The following SHB variants were observed in gnomAD, a reference collection of about 807,000 sequenced individuals.
SHB encodes SH2 domain-containing adapter protein B.
In SHB, 20 loss-of-function variants were observed where a neutral mutation model predicts 52.3. That is an observed-to-expected ratio of 0.38 (90% CI 0.27 to 0.56). The LOEUF (loss-of-function observed/expected upper bound fraction) is 0.56, where lower values mean the gene tolerates loss of function less well. Among genes scored for constraint, SHB ranks in the 20% least tolerant of loss-of-function variants. The pLI is 0.71. For missense variants in SHB, 825 were observed against 723.3 expected, an observed-to-expected ratio of 1.14 and a Z score of -1.61; for synonymous variants, 397 against 316.5, an observed-to-expected ratio of 1.25 and a Z score of -2.70.
At position 38,016,170 on chromosome 9, in the gene SHB, GC is replaced by G. The variant is rs774699853; in HGVS notation, c.718-40del. ...GATGGCAGGTGTGAGTCCACCTTTG[GC>G]TTTTTTGTTTCACATCTCTTCACAG... is the stretch of plus-strand genomic sequence containing the variant. On this transcript the variant is annotated intron_variant, in intron 1 of 5. Transcript: ENST00000377707. 7 of 1,610,942 alleles carry G rather than the reference GC, an allele frequency of 4.3e-6. No individual in the cohort carries two copies. In the African/African-American group the frequency reaches 8.0e-5, roughly 18 times the overall value.
chr9:37,976,116 A>T (rs1820650637), intron 2 of SHB, among the ~76,000 whole-genome samples: 1 of 152,136 alleles, frequency 6.6e-6, no homozygotes, highest in South Asian at 2.1e-4. Flanking sequence ...GCTCACTGCA[A>T]ACTCTGGCTC....
chr9:37,924,540 A>G (rs1832222949), intron 5 of SHB, among the ~76,000 whole-genome samples: 1 of 152,196 alleles, frequency 6.6e-6, no homozygotes, highest in South Asian at 2.1e-4. Context: ...ACAGGACTCC[A>G]GACACAGAGG....
chr9:37,998,394 C>T (rs1163304419), intron 2 of SHB, among the ~76,000 whole-genome samples: 1 of 152,172 alleles, frequency 6.6e-6, no homozygotes, highest in Non-Finnish European at 1.5e-5. Context: ...GATACATGGT[C>T]TCTGCATCGC....
chr9:37,934,788 C>G (rs981899106), intron 5 of SHB, among the ~76,000 whole-genome samples: 4 of 152,210 alleles, frequency 2.6e-5, no homozygotes, highest in African/African-American at 9.7e-5. Context: ...AGAATTTTCT[C>G]AAAATTAAAT....
At chr9:38,005,752 A>C (rs893674968) in intron 2 of SHB, among the ~76,000 whole-genome samples, 2 of 152,172 alleles carry the variant, frequency 1.3e-5, no homozygotes, top group Admixed American at 1.3e-4. Context: ...TAATTAGTCA[A>C]ATAATAGGGT....
intron 5 of SHB, among the ~76,000 whole-genome samples, chr9:37,932,607 G>A (rs1832326133): frequency 6.7e-6 from 1 of 149,042 alleles, no homozygotes. Context: ...TGAGGGATAT[G>A]TTAATTTGTT....
At chr9:38,022,544 G>A (rs555810100) in intron 1 of SHB, among the ~76,000 whole-genome samples, 6 of 152,090 alleles carry the variant, frequency 3.9e-5, no homozygotes, top group Non-Finnish European at 8.8e-5. Flanking sequence ...AATAGCATTT[G>A]GGGACGTGAG....
chr9:38,000,254 C>G (rs1418640312), intron 2 of SHB, among the ~76,000 whole-genome samples: 1 of 152,218 alleles, frequency 6.6e-6, no homozygotes. Context: ...CAGGCCTAAG[C>G]TCTTTGCTAA....
intron 1 of SHB, among the ~76,000 whole-genome samples, chr9:38,038,718 C>G (rs144651123): frequency 6.6e-6 from 1 of 152,172 alleles, no homozygotes; most frequent in Non-Finnish European, 1.5e-5. Context: ...GCTCCCTACT[C>G]GGGTCATGAG....
At chr9:38,017,858 G>A (rs1297223532) in intron 1 of SHB, among the ~76,000 whole-genome samples, 1 of 152,004 alleles carries the variant, frequency 6.6e-6, no homozygotes, top group African/African-American at 2.4e-5. Flanking sequence ...TCTTTCATTT[G>A]CTATTTCTAC....
chr9:37,998,280 G>A (rs2118033180), intron 2 of SHB, among the ~76,000 whole-genome samples: 1 of 152,206 alleles, frequency 6.6e-6, no homozygotes, highest in East Asian at 1.9e-4. Flanking sequence ...CCGCTATCCT[G>A]CTGGCCTGGG....
chr9:37,991,595 C>T (rs916808743), intron 2 of SHB, among the ~76,000 whole-genome samples: 4 of 152,196 alleles, frequency 2.6e-5, no homozygotes, highest in African/African-American at 9.6e-5. Flanking sequence ...TAGTTATGGT[C>T]TCAGCACAGG....
At chr9:37,952,445 G>A (rs1485104468) in intron 4 of SHB, among the ~76,000 whole-genome samples, 1 of 152,234 alleles carries the variant, frequency 6.6e-6, no homozygotes, top group African/African-American at 2.4e-5. Flanking sequence ...ACTGTGAGCA[G>A]CGGGCAGGAG....
intron 2 of SHB, among the ~76,000 whole-genome samples, chr9:37,981,823 G>T (rs1305966423): frequency 3.3e-5 from 5 of 152,138 alleles, no homozygotes; most frequent in African/African-American, 1.2e-4. Context: ...AGAGATGAAG[G>T]AATGGTCAGT....
intron 4 of SHB, 43 bp downstream of exon 4, chr9:37,955,840 G>C (rs1442975394): frequency 6.3e-7 from 1 of 1,582,446 alleles, no homozygotes. Context: ...CAAAAACTAG[G>C]TGAACTGGGA....
At chr9:38,006,481 GT>G (rs1821077405) in intron 2 of SHB, among the ~76,000 whole-genome samples, 1 of 152,184 alleles carries the variant, frequency 6.6e-6, no homozygotes, top group Non-Finnish European at 1.5e-5. Context: ...TTCAGGACAG[GT>G]ATCTCCATCA....
intron 1 of SHB, among the ~76,000 whole-genome samples, chr9:38,064,954 C>A (rs1027909364): frequency 1.3e-5 from 2 of 152,124 alleles, no homozygotes; most frequent in African/African-American, 2.4e-5. Context: ...GAGACCTCCT[C>A]TCTACAAATA....
chr9:38,001,866 G>C (rs886944988), intron 2 of SHB, among the ~76,000 whole-genome samples: 23 of 152,342 alleles, frequency 1.5e-4, no homozygotes, highest in African/African-American at 5.1e-4. Context: ...GCCCAAAGGA[G>C]ATGAACAGGA....
At chr9:37,955,587 C>T (rs1241112378) in intron 4 of SHB, among the ~76,000 whole-genome samples, 1 of 152,202 alleles carries the variant, frequency 6.6e-6, no homozygotes, top group Non-Finnish European at 1.5e-5. Flanking sequence ...AATTCAGTCT[C>T]CTGCCTCAGT....
Sources: gnomAD v4.1 joint callset for allele counts (sites outside exome capture counted in the v4.1 genomes callset) on GRCh38, gnomAD v4.1.1 for gene constraint, MANE v1.5 for transcripts, NCBI Gene and HGNC (gene_info 2026-07-23, HGNC 2026-07-21) for gene names.